KLHL2: variants seen among roughly 807,000 people sequenced by gnomAD.
KLHL2 encodes kelch like family member 2.
KLHL2 carries 15 observed loss-of-function variants against 75.8 expected under a neutral mutation model. The observed-to-expected ratio is 0.20, with a 90% CI of 0.13 to 0.30. KLHL2 has a LOEUF of 0.30. Ranked by LOEUF, KLHL2 falls within the 10% of genes least tolerant of loss-of-function variation. KLHL2 has a pLI of 1.00. For synonymous variants in KLHL2, 214 were observed against 251.9 expected, an observed-to-expected ratio of 0.85 and a Z score of 1.42; for missense variants, 381 against 741.0, an observed-to-expected ratio of 0.51 and a Z score of 5.64.
intron 4 of KLHL2, among the ~76,000 whole-genome samples, chr4:165,253,433 A>G (rs1198245191): frequency 6.6e-6 from 1 of 152,238 alleles, no homozygotes; most frequent in Admixed American, 6.5e-5. Flanking sequence ...TTAGGGCATA[A>G]TGACAGGAAA....
chr4:165,282,988 G>A (rs937676286), intron 5 of KLHL2, among the ~76,000 whole-genome samples: 2 of 151,948 alleles, frequency 1.3e-5, no homozygotes, highest in Non-Finnish European at 2.9e-5. Context: ...GATGGCAGCA[G>A]GCAAAGAGAG....
intron 5 of KLHL2, chr4:165,277,748 AACACACACACACACACACACACAC>A (rs56079802): frequency 1.7e-5 from 9 of 534,358 alleles, no homozygotes; most frequent in South Asian, 6.7e-5. Flanking sequence ...GGATGTTAAA[AACACACACACACACACACACACAC>A]ACACACACAC....
At chr4:165,286,919 C>G (rs1377990275) in intron 5 of KLHL2, among the ~76,000 whole-genome samples, 1 of 152,112 alleles carries the variant, frequency 6.6e-6, no homozygotes. Flanking sequence ...GATCTAGTTG[C>G]TTGCTTTGTT....
chr4:165,311,385 A>G (rs1746172937), intron 10 of KLHL2, 79 bp from the exon 11 acceptor site: 1 of 969,314 alleles, frequency 1.0e-6, no homozygotes, highest in Admixed American at 2.1e-5. Context: ...AGTATAACAT[A>G]CCTGAAGTAT....
At chr4:165,208,076 C>T (rs1309212593) in intron 1 of KLHL2, among the ~76,000 whole-genome samples, 174 bp downstream of exon 1, 1 of 151,856 alleles carries the variant, frequency 6.6e-6, no homozygotes, top group Non-Finnish European at 1.5e-5. Flanking sequence ...GACGGAAACT[C>T]AGCCTGGCCA....
At chr4:165,299,376 C>G (rs1440853410) in intron 7 of KLHL2, 131 bp from the exon 8 acceptor site, 1 of 733,468 alleles carries the variant, frequency 1.4e-6, no homozygotes, top group Non-Finnish European at 2.0e-6. Context: ...TATAAACTTT[C>G]CTCGTTTATT....
chr4:165,215,258 T>C (rs1737463135), intron 1 of KLHL2, among the ~76,000 whole-genome samples: 1 of 152,102 alleles, frequency 6.6e-6, no homozygotes, highest in South Asian at 2.1e-4. Flanking sequence ...AGTAATATAG[T>C]GGTTATTTGT....
chr4:165,314,272 T>A, intron 13 of KLHL2, 106 bp downstream of exon 13: 1 of 1,079,160 alleles, frequency 9.3e-7, no homozygotes. Flanking sequence ...GTTCTTTTAC[T>A]GATCTGGGTT....
intron 4 of KLHL2, among the ~76,000 whole-genome samples, chr4:165,260,611 C>T (rs1482808112): frequency 6.6e-6 from 1 of 151,530 alleles, no homozygotes; most frequent in African/African-American, 2.4e-5. Context: ...AATATACCAA[C>T]GACTAATTTT....
chr4:165,257,526 T>G (rs115309209), intron 4 of KLHL2, among the ~76,000 whole-genome samples: 1,726 of 152,274 alleles, frequency 0.011, 41 homozygotes, highest in East Asian at 0.1. Flanking sequence ...GAGGCCCTGT[T>G]ACGTTACATC....
At chr4:165,241,780 A>G (rs540726409) in intron 4 of KLHL2, among the ~76,000 whole-genome samples, 2 of 152,302 alleles carry the variant, frequency 1.3e-5, no homozygotes, top group East Asian at 3.9e-4. Flanking sequence ...CTCTTCCATG[A>G]TACCATATGG....
chr4:165,313,960 TAAAC>T, intron 12 of KLHL2, 62 bp from the exon 13 acceptor site: 1 of 1,482,534 alleles, frequency 6.7e-7, no homozygotes, highest in South Asian at 1.4e-5. Flanking sequence ...GTCATTTAAA[TAAAC>T]CTAATATGAT....
rs1347734331 is a variant in KLHL2 at position 165,300,116 on chromosome 4, G to GT, written c.921+461dup. On this transcript the variant is annotated intron_variant, in intron 8 of 14. Transcript: ENST00000226725. ...CCAGCCTGGCCATCTACGTGAAACC[G>GT]TGTCTCTACTAAAAATACAAAAATT... Among the ~76,000 whole-genome samples the GT allele has an allele frequency of 4.6e-5, 7 of 151,726 alleles. No homozygotes were observed. In the East Asian group the frequency reaches 1.4e-3, roughly 29 times the overall value.
chr4:165,294,855 G>C (rs1248080741), intron 6 of KLHL2, among the ~76,000 whole-genome samples: 1 of 152,152 alleles, frequency 6.6e-6, no homozygotes, highest in East Asian at 1.9e-4. Context: ...CATAATATTT[G>C]TCACTAAATT....
intron 9 of KLHL2, among the ~76,000 whole-genome samples, chr4:165,307,113 G>A (rs927156476): frequency 6.6e-6 from 1 of 152,148 alleles, no homozygotes; most frequent in African/African-American, 2.4e-5. Context: ...CTTGAGACCA[G>A]CCTGGCCAAC....
intron 3 of KLHL2, among the ~76,000 whole-genome samples, 190 bp downstream of exon 3, chr4:165,229,103 A>T (rs989269034): frequency 6.6e-6 from 1 of 152,228 alleles, no homozygotes; most frequent in Non-Finnish European, 1.5e-5. Context: ...GTAAGCCTAT[A>T]CATAGGTACA....
Position 165,299,589 on chromosome 4 carries a change from C to T in KLHL2, c.854C>T (p.Pro285Leu), listed in dbSNP as rs766887535. The T allele has an allele frequency of 1.2e-6, 2 of 1,613,574 alleles. No homozygotes were observed. Among genetic ancestry groups the T allele is most frequent in the Non-Finnish European group, 1.7e-6 (2 of 1,179,644 alleles). The change falls in exon 8 of 15, where the codon CCA becomes CTA. Residue 285 changes from proline to leucine, a missense_variant. Around this residue, in one of 5 missense-constraint regions of KLHL2, gnomAD observed 111 missense variants for 150.1 expected, o/e 0.74. Coordinates refer to ENST00000226725, the MANE Select transcript of KLHL2 (RefSeq NM_007246.4). ...GAAGCAATGAAGTACCATTTGCTGC[C>T]AACAGAGCAGCGTATATTAATGAAG... Reference protein sequence around the residue: ...LIEAMKYHLLPTEQRILMKSV... With the variant: ...LIEAMKYHLLLTEQRILMKSV...
chr4:165,210,249 C>A, intron 1 of KLHL2: 1 of 1,409,614 alleles, frequency 7.1e-7, no homozygotes, highest in Non-Finnish European at 9.8e-7. Flanking sequence ...TGGCACTGTG[C>A]GTGGTGCTTT....
intron 5 of KLHL2, among the ~76,000 whole-genome samples, chr4:165,268,263 C>G (rs1399813152): frequency 6.6e-6 from 1 of 151,874 alleles, no homozygotes; most frequent in Non-Finnish European, 1.5e-5. Context: ...TAAAAAACCA[C>G]CTCCTGGATT....
Sources: allele counts gnomAD v4.1 joint callset (sites outside exome capture counted in the v4.1 genomes callset), GRCh38; gene constraint gnomAD v4.1.1; regional missense constraint gnomAD v4.1.1; transcripts MANE v1.5; gene names NCBI Gene and HGNC (gene_info 2026-07-23, HGNC 2026-07-21).